Variants in XKR6 observed in about 807,000 individuals in gnomAD.
XKR6 encodes XK-related protein 6.
Under a neutral mutation model 56.7 loss-of-function variants are expected in XKR6, and 22 were observed. The ratio of observed to expected loss-of-function variants is 0.39; its 90% CI spans 0.28 to 0.55. XKR6 has a LOEUF of 0.55. Ranked by LOEUF, XKR6 falls within the 20% of genes least tolerant of loss-of-function variation. The pLI, the probability that XKR6 is intolerant of heterozygous loss-of-function variation, is 0.66. For missense variants in XKR6, 852 were observed against 889.0 expected, an observed-to-expected ratio of 0.96 and a Z score of 0.53; for synonymous variants, 524 against 387.8, an observed-to-expected ratio of 1.35 and a Z score of -4.13.
chr8:11,179,681 C>T (rs1376613004), intron 1 of XKR6, among the ~76,000 whole-genome samples: 3 of 152,200 alleles, frequency 2.0e-5, no homozygotes, highest in Admixed American at 6.5e-5. Flanking sequence ...GGCCCAATTG[C>T]TCGGTGTCAA....
At chr8:10,944,595 C>T (rs1357057928) in intron 1 of XKR6, among the ~76,000 whole-genome samples, 2 of 152,214 alleles carry the variant, frequency 1.3e-5, no homozygotes, top group African/African-American at 4.8e-5. Context: ...AGAAATAGTG[C>T]ACCCATGTAG....
chr8:11,131,319 T>G (rs1432508107), intron 1 of XKR6, among the ~76,000 whole-genome samples: 3 of 152,134 alleles, frequency 2.0e-5, no homozygotes, highest in Non-Finnish European at 4.4e-5. Context: ...GCTTCCTATG[T>G]GGAACTGTGT....
At chr8:10,987,582 C>T (rs1586395888) in intron 1 of XKR6, among the ~76,000 whole-genome samples, 1 of 152,316 alleles carries the variant, frequency 6.6e-6, no homozygotes, top group African/African-American at 2.4e-5. Flanking sequence ...CACTAACTGG[C>T]TTCCATTCCT....
intron 1 of XKR6, among the ~76,000 whole-genome samples, chr8:10,990,448 C>G (rs990734345): frequency 2.6e-5 from 4 of 152,126 alleles, no homozygotes; most frequent in African/African-American, 9.7e-5. Context: ...TATTTCCACA[C>G]CGGCAGTAGT....
intron 1 of XKR6, among the ~76,000 whole-genome samples, chr8:11,042,592 T>C (rs535065642): frequency 6.6e-6 from 1 of 152,368 alleles, no homozygotes; most frequent in South Asian, 2.1e-4. Flanking sequence ...TTTTTCTTTA[T>C]AAATTACTCA....
intron 2 of XKR6, among the ~76,000 whole-genome samples, chr8:10,904,232 C>T (rs1012979848): frequency 6.6e-6 from 1 of 152,178 alleles, no homozygotes; most frequent in Non-Finnish European, 1.5e-5. Flanking sequence ...ACTGCGCTGA[C>T]CTTAGTGCAG....
chr8:11,038,491 G>A (rs1192703459), intron 1 of XKR6, among the ~76,000 whole-genome samples: 1 of 125,882 alleles, frequency 7.9e-6, no homozygotes, highest in South Asian at 2.5e-4. Context: ...AGTAATTGTA[G>A]TCATTTTGTG....
intron 1 of XKR6, among the ~76,000 whole-genome samples, chr8:11,123,214 G>C (rs202209502): frequency 6.7e-6 from 1 of 148,730 alleles, no homozygotes; most frequent in East Asian, 2.0e-4. Flanking sequence ...TCCAGCCTGG[G>C]TGGCAGAGTG....
intron 2 of XKR6, among the ~76,000 whole-genome samples, chr8:10,905,426 C>A (rs533726084): frequency 2.0e-5 from 3 of 152,204 alleles, no homozygotes; most frequent in African/African-American, 7.2e-5. Context: ...TTATGGCAGC[C>A]TTTTCCTGCC....
intron 1 of XKR6, among the ~76,000 whole-genome samples, chr8:11,079,165 G>A (rs780269950): frequency 6.6e-6 from 1 of 152,228 alleles, no homozygotes; most frequent in African/African-American, 2.4e-5. Context: ...CCATGAAAAA[G>A]TGGCCTCTGG....
chr8:11,161,776 T>C (rs28661649), intron 1 of XKR6, among the ~76,000 whole-genome samples: 14,552 of 152,120 alleles, frequency 0.096, 1,399 homozygotes, highest in African/African-American at 0.24. Context: ...ATATTTAATA[T>C]ATTTGTAAAA....
intron 1 of XKR6, among the ~76,000 whole-genome samples, chr8:11,039,265 G>A (rs922139871): frequency 1.3e-5 from 2 of 152,204 alleles, no homozygotes; most frequent in Admixed American, 1.3e-4. Flanking sequence ...ACAGAAAAGA[G>A]GGAGACTGCA....
At chr8:11,031,027 C>T (rs1014034136) in intron 1 of XKR6, among the ~76,000 whole-genome samples, 1 of 152,214 alleles carries the variant, frequency 6.6e-6, no homozygotes, top group Non-Finnish European at 1.5e-5. Flanking sequence ...TACTGGCTCT[C>T]TCCTGGCTCA....
At chr8:11,115,681 C>A (rs1158470952) in intron 1 of XKR6, among the ~76,000 whole-genome samples, 1 of 152,148 alleles carries the variant, frequency 6.6e-6, no homozygotes, top group Non-Finnish European at 1.5e-5. Flanking sequence ...AAATTAAGCT[C>A]CATGTTCATC....
At chr8:11,015,112 G>C (rs1798588385) in intron 1 of XKR6, among the ~76,000 whole-genome samples, 1 of 152,048 alleles carries the variant, frequency 6.6e-6, no homozygotes, top group Non-Finnish European at 1.5e-5. Flanking sequence ...GGGTTGGGAG[G>C]AGGCGCTTGG....
intron 1 of XKR6, among the ~76,000 whole-genome samples, chr8:11,007,856 G>C (rs7834150): frequency 0.1 from 15,253 of 151,866 alleles, 2,272 homozygotes; most frequent in African/African-American, 0.33. Context: ...GGTAGGAGAG[G>C]TAAAATTCGG....
chr8:11,171,747 TC>T (rs1377428982), intron 1 of XKR6, among the ~76,000 whole-genome samples: 1 of 152,090 alleles, frequency 6.6e-6, no homozygotes, highest in Admixed American at 6.6e-5. Context: ...TGAACTTTTT[TC>T]CTTTAAAAGT....
intron 1 of XKR6, among the ~76,000 whole-genome samples, chr8:11,182,373 G>A (rs1803035570): frequency 1.3e-5 from 2 of 152,178 alleles, no homozygotes; most frequent in Non-Finnish European, 2.9e-5. Context: ...TGTCATTACA[G>A]GCATCACTGT....
intron 1 of XKR6, among the ~76,000 whole-genome samples, chr8:11,084,822 G>C (rs1282007012): frequency 6.6e-6 from 1 of 152,198 alleles, no homozygotes; most frequent in African/African-American, 2.4e-5. Context: ...GGAGGGAAGG[G>C]AAAGGTTACT....
Sources: allele counts gnomAD v4.1 joint callset (sites outside exome capture counted in the v4.1 genomes callset), GRCh38; gene constraint gnomAD v4.1.1; transcripts MANE v1.5; gene names NCBI Gene and HGNC (gene_info 2026-07-23, HGNC 2026-07-21).